The following SEMA5B variants were observed in gnomAD, a reference collection of about 807,000 sequenced individuals.
SEMA5B encodes the protein semaphorin 5B.
Under a neutral mutation model 135.0 loss-of-function variants are expected in SEMA5B, and 66 were observed. The ratio of observed to expected loss-of-function variants is 0.49; its 90% CI spans 0.40 to 0.60. The LOEUF is 0.60. SEMA5B is among the 20% of genes least tolerant of loss of function. The pLI is 0.00. For synonymous variants in SEMA5B, 690 were observed against 639.5 expected, an observed-to-expected ratio of 1.08 and a Z score of -1.19; for missense variants, 1,501 against 1,566.3, an observed-to-expected ratio of 0.96 and a Z score of 0.70.
chr3:123,011,611 C>G (rs1402145781), intron 1 of SEMA5B, among the ~76,000 whole-genome samples: 1 of 152,216 alleles, frequency 6.6e-6, no homozygotes, highest in South Asian at 2.1e-4. Flanking sequence ...CACACATGCA[C>G]AGAGCTTGCA....
At chr3:122,954,971 T>C (rs28569371) in intron 2 of SEMA5B, among the ~76,000 whole-genome samples, 2 of 79,810 alleles carry the variant, frequency 2.5e-5, no homozygotes, top group African/African-American at 4.9e-5. Context: ...TTGTTTTTTG[T>C]TTTTTTTTTT....
intron 4 of SEMA5B, among the ~76,000 whole-genome samples, chr3:122,940,175 G>A (rs1325510537): frequency 1.3e-5 from 2 of 152,194 alleles, no homozygotes; most frequent in African/African-American, 4.8e-5. Flanking sequence ...TTCACCTTCA[G>A]TAACAAAGAG....
chr3:122,973,608 C>T (rs960353459), intron 1 of SEMA5B, among the ~76,000 whole-genome samples: 4 of 152,172 alleles, frequency 2.6e-5, no homozygotes, highest in Admixed American at 2.6e-4. Flanking sequence ...TATGTTATCG[C>T]AGTTATGATG....
intron 1 of SEMA5B, among the ~76,000 whole-genome samples, chr3:122,970,092 A>G (rs1019448141): frequency 1.3e-5 from 2 of 152,124 alleles, no homozygotes; most frequent in Admixed American, 1.3e-4. Flanking sequence ...CTTGCCCCTG[A>G]CCTAGAGCCC....
At chr3:122,953,718 G>A (rs888475325) in intron 2 of SEMA5B, among the ~76,000 whole-genome samples, 1 of 152,206 alleles carries the variant, frequency 6.6e-6, no homozygotes, top group African/African-American at 2.4e-5. Context: ...AAAAAGAAGA[G>A]TGATTGGTTC....
At chr3:123,007,004 T>C (rs1488078574) in intron 1 of SEMA5B, among the ~76,000 whole-genome samples, 2 of 152,136 alleles carry the variant, frequency 1.3e-5, no homozygotes, top group African/African-American at 2.4e-5. Flanking sequence ...AAAGCAGAAC[T>C]TCCCACCCAG....
At chr3:123,023,482 C>T (rs2107840428) in intron 1 of SEMA5B, among the ~76,000 whole-genome samples, 1 of 152,308 alleles carries the variant, frequency 6.6e-6, no homozygotes, top group East Asian at 1.9e-4. Flanking sequence ...ATCCCCAGAG[C>T]TCCAGATGCC....
chr3:122,915,722 G>A lies in SEMA5B; in HGVS notation c.1806+51C>T, dbSNP rs760101319. 3.7e-6 allele frequency: 6 copies of A among 1,604,860 alleles called. No individual in the cohort carries two copies. The African/African-American group carries it at 5.4e-5, about 14-fold the overall frequency. ...GGGGGAATATTGGTGGGGAGTCATA[G>A]CCTGAATTGAAGGAGGGGTCTGAGA... On this transcript the variant is annotated intron_variant, in intron 13 of 22. Coordinates refer to ENST00000357599, the MANE Select transcript of SEMA5B (RefSeq NM_001031702.4).
intron 5 of SEMA5B, among the ~76,000 whole-genome samples, chr3:122,937,912 A>G (rs1459935566): frequency 6.6e-6 from 1 of 152,142 alleles, no homozygotes; most frequent in Admixed American, 6.5e-5. Flanking sequence ...CCTCCCGCCC[A>G]CTTTGAACCT....
At chr3:122,948,355 G>C (rs1560345821) in intron 3 of SEMA5B, 151 bp downstream of exon 3, 1 of 556,128 alleles carries the variant, frequency 1.8e-6, no homozygotes, top group East Asian at 3.3e-5. Flanking sequence ...TCCAGCACCA[G>C]AGGAAGAGTC....
intron 1 of SEMA5B, among the ~76,000 whole-genome samples, chr3:122,963,790 C>T (rs9851534): frequency 0.012 from 1,846 of 152,264 alleles, 41 homozygotes; most frequent in African/African-American, 0.042. Context: ...AAATATTGAA[C>T]CCTGTTTCTA....
chr3:123,002,488 T>G (rs950413444), intron 1 of SEMA5B, among the ~76,000 whole-genome samples: 1 of 152,242 alleles, frequency 6.6e-6, no homozygotes, highest in Non-Finnish European at 1.5e-5. Flanking sequence ...AAACTCCTGC[T>G]TCTCTTCTAC....
rs1029418732 is a variant in SEMA5B, at chr3:122,910,236, A to C, written c.3363T>G (p.Asn1121Lys). Residue 1121 changes from asparagine to lysine, a missense_variant, in exon 23 of 23, where the codon AAT becomes AAG. This residue lies in a region of SEMA5B where 927 missense variants were observed against 881.6 expected (regional missense o/e 1.05). Coordinates refer to ENST00000357599, the MANE Select transcript of SEMA5B (RefSeq NM_001031702.4). ...RANFYPLQQT[N>K]VYTTTYYPSP... ...TTGGGTAGTAAGTAGTCGTGTACAC[A>C]TTGGTCTGCTGCAATGGGTAGAAGT... 1 of 1,614,172 alleles carries C rather than the reference A, an allele frequency of 6.2e-7. No homozygotes were observed. Among genetic ancestry groups the C allele is most frequent in the African/African-American group, 1.3e-5 (1 of 75,038 alleles).
intron 6 of SEMA5B, 110 bp downstream of exon 6, chr3:122,928,886 C>A: frequency 8.9e-7 from 1 of 1,120,058 alleles, no homozygotes. Context: ...CTCATCCTGG[C>A]CAGGCCTCTC....
chr3:122,981,591 A>T (rs1344853210), intron 1 of SEMA5B, among the ~76,000 whole-genome samples: 1 of 152,208 alleles, frequency 6.6e-6, no homozygotes, highest in African/African-American at 2.4e-5. Flanking sequence ...GAACTCCTGA[A>T]CAGCACACCG....
At chr3:122,951,586 G>A (rs113085431) in intron 2 of SEMA5B, among the ~76,000 whole-genome samples, 103 of 152,280 alleles carry the variant, frequency 6.8e-4, no homozygotes, top group Non-Finnish European at 1.3e-3. Flanking sequence ...CTGACCCTAC[G>A]TCTCGCAAAG....
chr3:122,992,481 C>A (rs1941908895), intron 1 of SEMA5B, among the ~76,000 whole-genome samples: 1 of 152,094 alleles, frequency 6.6e-6, no homozygotes, highest in Non-Finnish European at 1.5e-5. Context: ...TCGGAGACAC[C>A]ATCCCTCCAC....
intron 1 of SEMA5B, among the ~76,000 whole-genome samples, chr3:122,965,264 G>A (rs751045935): frequency 6.6e-6 from 1 of 152,156 alleles, no homozygotes; most frequent in African/African-American, 2.4e-5. Flanking sequence ...TTCCCCCATT[G>A]TCTTCGATAA....
chr3:123,008,217 G>C (rs1276844339), intron 1 of SEMA5B, among the ~76,000 whole-genome samples: 2 of 152,150 alleles, frequency 1.3e-5, no homozygotes, highest in African/African-American at 4.8e-5. Context: ...AAAATCACTT[G>C]CAACTTATCC....
Sources: gnomAD v4.1 joint callset for allele counts (sites outside exome capture counted in the v4.1 genomes callset) on GRCh38, gnomAD v4.1.1 for gene constraint, gnomAD v4.1.1 regional missense constraint, MANE v1.5 for transcripts, NCBI Gene and HGNC (gene_info 2026-07-23, HGNC 2026-07-21) for gene names.